The following KATNIP variants were observed in gnomAD, a reference collection of about 807,000 sequenced individuals.
The protein encoded by KATNIP is katanin-interacting protein.
In KATNIP, 126 loss-of-function variants were observed where a neutral mutation model predicts 174.0. The observed-to-expected ratio is 0.72, with a 90% CI of 0.63 to 0.84. The LOEUF (loss-of-function observed/expected upper bound fraction) is 0.84. Ranked by LOEUF, KATNIP falls within the 40% of genes least tolerant of loss-of-function variation. KATNIP has a pLI of 0.00. For synonymous variants in KATNIP, 810 were observed against 835.7 expected, an observed-to-expected ratio of 0.97 and a Z score of 0.53; for missense variants, 1,958 against 2,109.7, an observed-to-expected ratio of 0.93 and a Z score of 1.41.
In KATNIP at chr16:27,556,357, G is replaced by A. The variant is rs142924891; in HGVS notation, c.7+6180G>A. Among the ~76,000 whole-genome samples, 6 of 152,106 alleles carry A rather than the reference G, an allele frequency of 3.9e-5. No individual in the cohort carries two copies. In the South Asian group the frequency reaches 6.2e-4, roughly 16 times the overall value. On this transcript the variant is annotated intron_variant, in intron 1 of 27. Coordinates refer to ENST00000261588, the MANE Select transcript of KATNIP (RefSeq NM_015202.5). ...GTGTTTTCTGCCTATGAAAATGTTC[G>A]CCTTTCTGTTAAAGTTGAATTTTCC...
intron 14 of KATNIP, among the ~76,000 whole-genome samples, chr16:27,739,804 C>T (rs142989030): frequency 2.7e-5 from 4 of 149,634 alleles, no homozygotes; most frequent in Middle Eastern, 3.4e-3. Flanking sequence ...GTAATGATGA[C>T]GAAGGCAGCG....
chr16:27,683,449 G>A (rs779462289), intron 8 of KATNIP, among the ~76,000 whole-genome samples: 5 of 152,166 alleles, frequency 3.3e-5, no homozygotes, highest in Non-Finnish European at 7.3e-5. Context: ...GGACTTTTTG[G>A]TGGGACCCAG....
chr16:27,681,530 A>G lies in KATNIP; in HGVS notation c.940A>G (p.Arg314Gly), dbSNP rs770916709. 1 of 1,614,170 alleles carries G rather than the reference A, an allele frequency of 6.2e-7. No homozygotes were observed. The highest frequency in any genetic ancestry group is 8.5e-7 in the Non-Finnish European group (1 of 1,180,016). ...VFPDQERMCS[R>G]PGSRRERPLS... ...CCCAGACCAGGAGAGGATGTGCTCC[A>G]GTAAGAGTTCCGGGGGCCCCTGAGC... Residue 314 changes from arginine to glycine, a missense_variant and splice_region_variant, in exon 8 of 28, where the codon AGA (arginine) becomes GGA (glycine). Physicochemically the swap from Arg to Gly is moderately radical, Grantham distance 125. Transcript: ENST00000261588.
chr16:27,681,303 G>T (rs2078328978), intron 7 of KATNIP, 96 bp from the exon 8 acceptor site: 4 of 1,466,374 alleles, frequency 2.7e-6, no homozygotes, highest in Non-Finnish European at 3.8e-6. Context: ...GACATTTGTT[G>T]AATGAGTAAG....
chr16:27,609,016 C>T (rs1433750592), intron 2 of KATNIP, among the ~76,000 whole-genome samples: 1 of 152,184 alleles, frequency 6.6e-6, no homozygotes, highest in East Asian at 1.9e-4. Flanking sequence ...TGTTTCTTCA[C>T]ACCCCCAAAC....
At chr16:27,618,681 G>C (rs949478846) in intron 3 of KATNIP, among the ~76,000 whole-genome samples, 180 bp downstream of exon 3, 2 of 152,120 alleles carry the variant, frequency 1.3e-5, no homozygotes, top group Admixed American at 1.3e-4. Context: ...TGATTTAATT[G>C]CATTTTTTGA....
In KATNIP at chr16:27,550,186, C is replaced by T. The variant is rs2141482653; in HGVS notation, c.7+9C>T. ...GCCTCTAGGGATGGACGGTGAGTGT[C>T]TGTGGGCCCCTCCGGGAGGTCGGGC... On this transcript the variant is annotated intron_variant, in intron 1 of 27. Coordinates refer to ENST00000261588, the MANE Select transcript of KATNIP (RefSeq NM_015202.5). 3.1e-6 allele frequency: 5 copies of T among 1,609,144 alleles called. No individual in the cohort carries two copies. The highest frequency in any genetic ancestry group is 1.1e-5 in the South Asian group (1 of 90,776).
intron 2 of KATNIP, among the ~76,000 whole-genome samples, chr16:27,609,269 A>G (rs1482584581): frequency 6.8e-6 from 1 of 147,880 alleles, no homozygotes; most frequent in Non-Finnish European, 1.5e-5. Flanking sequence ...GATGTGTGTT[A>G]GTGCAGGGAG....
At chr16:27,700,743 C>T (rs192850493) in intron 10 of KATNIP, among the ~76,000 whole-genome samples, 119 of 152,156 alleles carry the variant, frequency 7.8e-4, no homozygotes, top group Admixed American at 2.0e-3. Context: ...TGTGAGGCGG[C>T]GAAGTGGGGA....
chr16:27,719,543 G>A (rs1597285317), intron 13 of KATNIP, among the ~76,000 whole-genome samples: 1 of 151,400 alleles, frequency 6.6e-6, no homozygotes, highest in Non-Finnish European at 1.5e-5. Context: ...ACTAAATTTT[G>A]TATTTTTTTT....
intron 7 of KATNIP, 185 bp from the exon 8 acceptor site, chr16:27,681,214 A>T: frequency 1.4e-6 from 1 of 695,622 alleles, no homozygotes; most frequent in Non-Finnish European, 2.5e-6. Context: ...TGCTGGGCAC[A>T]CCATGACTCT....
At chr16:27,608,443 T>C (rs2075786474) in intron 2 of KATNIP, among the ~76,000 whole-genome samples, 1 of 139,032 alleles carries the variant, frequency 7.2e-6, no homozygotes, top group Non-Finnish European at 1.5e-5. Flanking sequence ...GATGGGGTCC[T>C]GCTATGTTGC....
chr16:27,615,378 G>A (rs1005342669), intron 2 of KATNIP, among the ~76,000 whole-genome samples: 7 of 146,102 alleles, frequency 4.8e-5, no homozygotes, highest in African/African-American at 1.3e-4. Flanking sequence ...TTTTTGAGAC[G>A]GAGTCTCATT....
At chr16:27,631,308 G>A in intron 5 of KATNIP, 146 bp downstream of exon 5, 1 of 614,356 alleles carries the variant, frequency 1.6e-6, no homozygotes, top group East Asian at 2.8e-5. Context: ...GGAGGGTGAG[G>A]TGGGAGGATC....
chr16:27,587,366 C>A (rs925472551), intron 2 of KATNIP, among the ~76,000 whole-genome samples: 1 of 152,194 alleles, frequency 6.6e-6, no homozygotes, highest in African/African-American at 2.4e-5. Flanking sequence ...GTAGTTTACA[C>A]CTGCAGATAG....
At chr16:27,574,175 A>G (rs2090405450) in intron 2 of KATNIP, 1 of 543,296 alleles carries the variant, frequency 1.8e-6, no homozygotes, top group Admixed American at 3.3e-5. Context: ...CTCTGAGTGT[A>G]TCAGTTAACT....
intron 6 of KATNIP, among the ~76,000 whole-genome samples, chr16:27,654,912 T>G (rs758752124): frequency 3.3e-5 from 5 of 151,686 alleles, no homozygotes; most frequent in Non-Finnish European, 5.9e-5. Context: ...GGAGGATGGC[T>G]TGAGCTCAGG....
At position 27,771,638 on chromosome 16, in the gene KATNIP, T is replaced by C. The variant is rs1251663040; in HGVS notation, c.4184T>C (p.Leu1395Pro). ...ECASMDYEAP[L>P]MPCGFIFQFQ... ...GCAAGCATGGACTACGAGGCACCGCTGATGCCCTGTGGCTGTATCCTTCTC... is the reference window on the plus strand; with the variant it reads ...GCAAGCATGGACTACGAGGCACCGCCGATGCCCTGTGGCTGTATCCTTCTC... The change falls in exon 22 of 28, where the codon CTG (leucine) becomes CCG (proline). Residue 1395 changes from leucine (L) to proline (P), a missense_variant. Physicochemically the swap from Leu to Pro is moderately conservative, Grantham distance 98 (BLOSUM62 -3). Transcript: ENST00000261588. 6.2e-7 allele frequency: 1 copy of C among 1,613,556 alleles called. No individual in the cohort carries two copies. Among genetic ancestry groups the C allele is most frequent in the Admixed American group, 1.7e-5 (1 of 59,978 alleles).
chr16:27,650,772 T>G (rs1214745523), intron 6 of KATNIP, among the ~76,000 whole-genome samples: 1 of 152,240 alleles, frequency 6.6e-6, no homozygotes, highest in Non-Finnish European at 1.5e-5. Flanking sequence ...TGGAAATTTT[T>G]GTTTCCCTAA....
Sources: allele counts gnomAD v4.1 joint callset (sites outside exome capture counted in the v4.1 genomes callset), GRCh38; gene constraint gnomAD v4.1.1; transcripts MANE v1.5; gene names NCBI Gene and HGNC (gene_info 2026-07-23, HGNC 2026-07-21).